Variants in MYO1D observed in about 807,000 individuals in gnomAD.
The protein encoded by MYO1D is myosin ID, also known as unconventional myosin-Id.
A neutral mutation model predicts 122.0 loss-of-function variants in MYO1D; 83 were observed. The ratio of observed to expected loss-of-function variants is 0.68; its 90% CI spans 0.57 to 0.82. MYO1D has a LOEUF of 0.82. Ranked by LOEUF, MYO1D falls within the 40% of genes least tolerant of loss-of-function variation. The pLI is 0.00. For synonymous variants in MYO1D, 464 were observed against 446.9 expected (o/e 1.04, Z -0.48); for missense variants, 1,157 against 1,269.5 (o/e 0.91, Z 1.35).
chr17:32,611,086 C>T (rs775027849), intron 20 of MYO1D, among the ~76,000 whole-genome samples: 3 of 152,128 alleles, frequency 2.0e-5, no homozygotes, highest in Non-Finnish European at 4.4e-5. Context: ...GTGAACACAA[C>T]TAGATAGGTA....
intron 8 of MYO1D, among the ~76,000 whole-genome samples, chr17:32,761,030 TA>T (rs142918204): frequency 0.036 from 5,466 of 152,246 alleles, 329 homozygotes; most frequent in African/African-American, 0.12. Context: ...ATATGAATTC[TA>T]AAAAATATAA....
intron 21 of MYO1D, among the ~76,000 whole-genome samples, chr17:32,522,410 C>T (rs2150867785): frequency 6.6e-6 from 1 of 152,328 alleles, no homozygotes; most frequent in East Asian, 1.9e-4. Flanking sequence ...TTGTCCCAAA[C>T]TACTCTAGTT....
At chr17:32,679,384 T>C (rs1309435362) in intron 16 of MYO1D, among the ~76,000 whole-genome samples, 1 of 152,086 alleles carries the variant, frequency 6.6e-6, no homozygotes, top group East Asian at 1.9e-4. Flanking sequence ...AGGGTTTTTA[T>C]GGTTTTAGGT....
chr17:32,526,911 A>G (rs1489523227), intron 21 of MYO1D, among the ~76,000 whole-genome samples: 2 of 152,324 alleles, frequency 1.3e-5, no homozygotes, highest in East Asian at 1.9e-4. Context: ...ATTTTCTTTC[A>G]AGAGAATCCT....
chr17:32,671,515 C>T (rs1355121841), intron 16 of MYO1D, among the ~76,000 whole-genome samples: 3 of 152,146 alleles, frequency 2.0e-5, no homozygotes, highest in Non-Finnish European at 4.4e-5. Context: ...AAAATTATTT[C>T]AAAATAAAAC....
At chr17:32,846,410 C>G (rs1356538934) in intron 1 of MYO1D, among the ~76,000 whole-genome samples, 9 of 152,174 alleles carry the variant, frequency 5.9e-5, no homozygotes, top group Admixed American at 5.9e-4. Context: ...CTCTGTTTTA[C>G]TAATATGTGT....
intron 21 of MYO1D, among the ~76,000 whole-genome samples, chr17:32,563,192 T>C (rs1184965749): frequency 4.0e-5 from 6 of 150,296 alleles, no homozygotes; most frequent in African/African-American, 1.5e-4. Context: ...ATTACAGCTC[T>C]TTTTTTCTTC....
At chr17:32,604,524 C>T (rs1411835460) in intron 21 of MYO1D, among the ~76,000 whole-genome samples, 3 of 152,170 alleles carry the variant, frequency 2.0e-5, no homozygotes, top group African/African-American at 4.8e-5. Flanking sequence ...TCAGGACCTG[C>T]TCTCTGTTTA....
intron 1 of MYO1D, among the ~76,000 whole-genome samples, chr17:32,795,973 G>A (rs73283706): frequency 0.049 from 7,401 of 152,070 alleles, 582 homozygotes; most frequent in African/African-American, 0.17. Flanking sequence ...GTCTGTTAGC[G>A]CGCTCTCGGG....
At chr17:32,866,266 T>C (rs1285811645) in intron 1 of MYO1D, among the ~76,000 whole-genome samples, 1 of 152,164 alleles carries the variant, frequency 6.6e-6, no homozygotes, top group African/African-American at 2.4e-5. Context: ...AGTTCTGTAA[T>C]TGAGCATAAA....
At chr17:32,822,277 GA>G (rs1305824958) in intron 1 of MYO1D, among the ~76,000 whole-genome samples, 1 of 149,114 alleles carries the variant, frequency 6.7e-6, no homozygotes, top group East Asian at 2.0e-4. Flanking sequence ...CGCAAGGACA[GA>G]AAACCAAACA....
At chr17:32,632,759 G>A (rs1026609311) in intron 20 of MYO1D, among the ~76,000 whole-genome samples, 8 of 151,920 alleles carry the variant, frequency 5.3e-5, no homozygotes, top group Non-Finnish European at 1.0e-4. Context: ...GAGGTAAGAC[G>A]GAAAGGAGGG....
chr17:32,578,457 G>C (rs1271304489), intron 21 of MYO1D, among the ~76,000 whole-genome samples: 2 of 152,210 alleles, frequency 1.3e-5, no homozygotes, highest in Admixed American at 6.5e-5. Flanking sequence ...CCGAGTTTAG[G>C]ACATACCCAC....
chr17:32,745,578 TAAAAGC>T, intron 12 of MYO1D: 1 of 272,156 alleles, frequency 3.7e-6, no homozygotes, highest in South Asian at 5.6e-5. Context: ...ATTCCTAAGA[TAAAAGC>T]AAAACAGCAA....
At position 32,676,050 on chromosome 17, in the gene MYO1D, TTC is replaced by T. The variant is rs1567942946; in HGVS notation, c.2122-16714_2122-16713del. Among the ~76,000 whole-genome samples, 3 of 152,306 alleles carry T rather than the reference TTC, an allele frequency of 2.0e-5. No individual in the cohort carries two copies. The South Asian group carries it at 6.2e-4, about 32-fold the overall frequency. ...CCTATTGTGAGATATTTCTGATGTT[TTC>T]TCTTTTTTTTGGAGTGATATATGCA... is the stretch of plus-strand genomic sequence containing the variant. On this transcript the variant is annotated intron_variant, in intron 16 of 21. Transcript: ENST00000318217.
intron 1 of MYO1D, among the ~76,000 whole-genome samples, chr17:32,861,286 T>G (rs1044054648): frequency 6.6e-6 from 1 of 152,006 alleles, no homozygotes; most frequent in Admixed American, 6.6e-5. Flanking sequence ...CAGGATGGTC[T>G]CAATCTCCTG....
chr17:32,677,850 G>C (rs938351416), intron 16 of MYO1D, among the ~76,000 whole-genome samples: 9 of 152,008 alleles, frequency 5.9e-5, no homozygotes, highest in Non-Finnish European at 5.9e-5. Flanking sequence ...AAATATTTTA[G>C]GATCATCAAA....
intron 21 of MYO1D, among the ~76,000 whole-genome samples, chr17:32,590,700 C>T (rs959102435): frequency 1.3e-5 from 2 of 152,090 alleles, no homozygotes; most frequent in African/African-American, 4.8e-5. Flanking sequence ...CTGCTAAGAC[C>T]TGAAATAAAC....
At chr17:32,677,283 C>T (rs1451891762) in intron 16 of MYO1D, among the ~76,000 whole-genome samples, 2 of 152,024 alleles carry the variant, frequency 1.3e-5, no homozygotes, top group Non-Finnish European at 2.9e-5. Context: ...GAGCAGAGAG[C>T]CTTTATTTTA....
Sources: gnomAD v4.1 joint callset for allele counts (sites outside exome capture counted in the v4.1 genomes callset) on GRCh38, gnomAD v4.1.1 for gene constraint, MANE v1.5 for transcripts, NCBI Gene and HGNC (gene_info 2026-07-23, HGNC 2026-07-21) for gene names.